The following PIK3C2G variants were observed in gnomAD, a reference collection of about 807,000 sequenced individuals.
PIK3C2G encodes the protein phosphatidylinositol 3-kinase C2 domain-containing subunit gamma.
PIK3C2G carries 168 observed loss-of-function variants against 181.1 expected under a neutral mutation model. The observed-to-expected ratio is 0.93, with a 90% CI of 0.82 to 1.05. PIK3C2G has a LOEUF of 1.05. Among genes scored for constraint, PIK3C2G ranks in the 50% least tolerant of loss-of-function variants. The probability of loss-of-function intolerance (pLI) is 0.00; values close to 1 mark genes in which losing one functional copy is unlikely to be tolerated. For synonymous variants in PIK3C2G, 573 were observed against 592.2 expected, an observed-to-expected ratio of 0.97 and a Z score of 0.47; for missense variants, 1,869 against 1,732.8, an observed-to-expected ratio of 1.08 and a Z score of -1.40.
At chr12:18,547,794 T>A (rs1944510491) in intron 26 of PIK3C2G, among the ~76,000 whole-genome samples, 1 of 152,036 alleles carries the variant, frequency 6.6e-6, no homozygotes, top group South Asian at 2.1e-4. Flanking sequence ...TGTTTACATC[T>A]ACTAGCAAAA....
intron 24 of PIK3C2G, among the ~76,000 whole-genome samples, chr12:18,514,907 A>G (rs150694686): frequency 4.5e-4 from 68 of 152,010 alleles, no homozygotes; most frequent in Non-Finnish European, 8.4e-4. Flanking sequence ...TATAATGAGT[A>G]TTTTCCTTTT....
At chr12:18,701,551 C>T in the PIK3C2G span, 1 of 1,613,862 alleles carries the variant, frequency 6.2e-7, no homozygotes, top group Admixed American at 1.7e-5. Flanking sequence ...ACCCCTGTTT[C>T]CTTGTCTTGA....
At position 18,338,484 on chromosome 12, in the gene PIK3C2G, T is replaced by A. The variant is rs1938766331; in HGVS notation, c.1331T>A (p.Val444Glu). 10 of 1,589,410 alleles carry A rather than the reference T, an allele frequency of 6.3e-6. 1 individual carries two copies. Among genetic ancestry groups the A allele is most frequent in the Non-Finnish European group, 6.9e-6 (8 of 1,157,860 alleles). Residue 444 changes from valine (V) to glutamate (E), a missense_variant, in exon 9 of 33, where the codon GTG becomes GAG. Physicochemically the swap from Val to Glu is moderately radical, Grantham distance 121. Coordinates refer to ENST00000538779, the MANE Select transcript of PIK3C2G (RefSeq NM_001288772.2). ...VKKICSVLGC[V>E]ETKQITDAVN... ...AAAATATGCAGTGTTCTAGGGTGTG[T>A]GGAAACCAAACAAATTACAGATGCA...
intron 29 of PIK3C2G, among the ~76,000 whole-genome samples, 188 bp from the exon 30 acceptor site, chr12:18,594,306 T>C (rs1284571953): frequency 6.6e-6 from 1 of 152,050 alleles, no homozygotes; most frequent in Non-Finnish European, 1.5e-5. Flanking sequence ...ACACAAAAGT[T>C]TAGTTTAACT....
At chr12:18,429,800 T>C (rs998473341) in intron 18 of PIK3C2G, among the ~76,000 whole-genome samples, 1 of 152,218 alleles carries the variant, frequency 6.6e-6, no homozygotes, top group Non-Finnish European at 1.5e-5. Context: ...AATTGGGCAC[T>C]GTCAAAGGCA....
chr12:18,695,510 A>G, the PIK3C2G span, among the ~76,000 whole-genome samples: 1 of 152,128 alleles, frequency 6.6e-6, no homozygotes, highest in Non-Finnish European at 1.5e-5. Flanking sequence ...CAAAGCAATA[A>G]TTGTCGTTAC....
chr12:18,486,105 G>A (rs780362518), intron 18 of PIK3C2G, among the ~76,000 whole-genome samples: 39 of 152,188 alleles, frequency 2.6e-4, no homozygotes, highest in Non-Finnish European at 3.5e-4. Flanking sequence ...TTGACCTCTC[G>A]TGTTCATCTC....
chr12:18,488,089 C>T (rs944354034), intron 18 of PIK3C2G, among the ~76,000 whole-genome samples: 23 of 152,080 alleles, frequency 1.5e-4, no homozygotes, highest in African/African-American at 5.3e-4. Context: ...CCATATAGTA[C>T]AGTCACTTAT....
At chr12:18,341,495 AAGG>A (rs1939131625) in intron 9 of PIK3C2G, among the ~76,000 whole-genome samples, 1 of 150,044 alleles carries the variant, frequency 6.7e-6, no homozygotes, top group African/African-American at 2.5e-5. Context: ...AGTTGAAAAT[AAGG>A]AGTTTATTTA....
At chr12:18,355,492 G>A (rs1021975145) in intron 11 of PIK3C2G, among the ~76,000 whole-genome samples, 2 of 152,152 alleles carry the variant, frequency 1.3e-5, no homozygotes, top group African/African-American at 2.4e-5. Flanking sequence ...TGAACTCCTT[G>A]CCAGGGAAAG....
chr12:18,364,761 G>A (rs564715915), intron 12 of PIK3C2G, among the ~76,000 whole-genome samples: 43 of 152,150 alleles, frequency 2.8e-4, no homozygotes, highest in African/African-American at 1.0e-3. Context: ...AGCTGGGCAT[G>A]GTGGCTCACA....
At chr12:18,281,714 T>C (rs1713105203) in intron 1 of PIK3C2G, among the ~76,000 whole-genome samples, 1 of 152,042 alleles carries the variant, frequency 6.6e-6, no homozygotes, top group African/African-American at 2.4e-5. Context: ...GGATATTCAA[T>C]AGAAAAAGAG....
intron 18 of PIK3C2G, among the ~76,000 whole-genome samples, chr12:18,431,333 G>A (rs1019360266): frequency 3.3e-5 from 5 of 152,040 alleles, no homozygotes; most frequent in Non-Finnish European, 7.4e-5. Context: ...AGAAGCTCAG[G>A]GGCTAACATT....
chr12:18,700,005 A>AT, the PIK3C2G span: 15 of 1,496,654 alleles, frequency 1.0e-5, no homozygotes, highest in Non-Finnish European at 6.4e-6. Context: ...GGGAAAAAAA[A>AT]TTTTTTCTAG....
intron 31 of PIK3C2G, among the ~76,000 whole-genome samples, chr12:18,617,325 G>T (rs1948648706): frequency 6.6e-6 from 1 of 152,080 alleles, no homozygotes; most frequent in African/African-American, 2.4e-5. Context: ...ACTTACATAG[G>T]AACTATAGAC....
chr12:18,418,263 C>A (rs1945290765), intron 16 of PIK3C2G, among the ~76,000 whole-genome samples: 1 of 152,138 alleles, frequency 6.6e-6, no homozygotes, highest in African/African-American at 2.4e-5. Context: ...TAAGGACTAA[C>A]AGAGGCACCT....
Position 18,505,382 on chromosome 12 carries a change from C to T in PIK3C2G, c.3244C>T (p.Leu1082=). The T allele has an allele frequency of 6.2e-7, 1 of 1,613,086 alleles. No homozygotes were observed. The highest frequency in any genetic ancestry group is 8.5e-7 in the Non-Finnish European group (1 of 1,179,384). ...VCDRHNDNIM[L]TKSGHMFHID... ...TGACCGTCACAATGATAATATCATG[C>T]TGACAAAGTCGGGCCACATGTTTCA... Residue 1082 remains leucine, a synonymous_variant, in exon 24 of 33, where the codon CTG becomes TTG. Transcript: ENST00000538779.
At chr12:18,457,474 T>G (rs1442013557) in intron 18 of PIK3C2G, among the ~76,000 whole-genome samples, 1 of 152,154 alleles carries the variant, frequency 6.6e-6, no homozygotes, top group Non-Finnish European at 1.5e-5. Flanking sequence ...CTGGCCTCAG[T>G]TCCGTGTGAG....
At chr12:18,662,399 C>A in the PIK3C2G span, among the ~76,000 whole-genome samples, 1 of 151,628 alleles carries the variant, frequency 6.6e-6, no homozygotes, top group Admixed American at 6.6e-5. Context: ...TTTTGTTTAT[C>A]CCAGATAAAC....
Sources: allele counts gnomAD v4.1 joint callset (sites outside exome capture counted in the v4.1 genomes callset), GRCh38; gene constraint gnomAD v4.1.1; transcripts MANE v1.5; gene names NCBI Gene and HGNC (gene_info 2026-07-23, HGNC 2026-07-21).